Variants in RAP1GAP observed in about 807,000 individuals in gnomAD.
The protein encoded by RAP1GAP is RAP1 GTPase activating protein, also known as rap1 GTPase-activating protein 1.
In RAP1GAP, 35 loss-of-function variants were observed where a neutral mutation model predicts 87.2. The ratio of observed to expected loss-of-function variants is 0.40; its 90% CI spans 0.31 to 0.53. The LOEUF (loss-of-function observed/expected upper bound fraction) is 0.53, where lower values mean the gene tolerates loss of function less well. Among genes scored for constraint, RAP1GAP ranks in the 20% least tolerant of loss-of-function variants. RAP1GAP has a pLI of 0.48. For synonymous variants in RAP1GAP, 375 were observed against 363.9 expected (o/e 1.03, Z -0.35); for missense variants, 734 against 898.9 (o/e 0.82, Z 2.35).
chr1:21,628,749 A>G (rs2093036274), intron 2 of RAP1GAP, among the ~76,000 whole-genome samples: 1 of 152,120 alleles, frequency 6.6e-6, no homozygotes, highest in Admixed American at 6.6e-5. Context: ...TTAGCTGGGC[A>G]CAGTGGTGGG....
chr1:21,608,125 C>T, intron 17 of RAP1GAP, 88 bp downstream of exon 17: 1 of 1,538,596 alleles, frequency 6.5e-7, no homozygotes, highest in Non-Finnish European at 8.8e-7. Flanking sequence ...CACCCCCACG[C>T]CGTGTCCATC....
intron 2 of RAP1GAP, among the ~76,000 whole-genome samples, chr1:21,639,564 T>G (rs2095301654): frequency 1.3e-5 from 2 of 152,240 alleles, no homozygotes; most frequent in Non-Finnish European, 2.9e-5. Context: ...AATTTCTCCC[T>G]GCAGGGCTGC....
rs1253884055 is a variant in RAP1GAP, at chr1:21,617,413, C to T, written c.184G>A (p.Glu62Lys). Residue 62 changes from glutamate to lysine, a missense_variant, in exon 7 of 25, where the codon GAA (glutamate) becomes AAA (lysine). Glu to Lys is a moderately conservative substitution (Grantham distance 56). Around this residue, in one of 2 missense-constraint regions of RAP1GAP, gnomAD observed 485 missense variants for 646.2 expected, o/e 0.75. Transcript: ENST00000374765. ...TCTGTCTCGGGGATGCTGGTGATTTCGTGGTTGGTGCCCTCAATCCAGTAG... is the reference window on the plus strand; with the variant it reads ...TCTGTCTCGGGGATGCTGGTGATTTTGTGGTTGGTGCCCTCAATCCAGTAG... ...GGYWIEGTNHEITSIPETEPL... is the reference protein window; with the variant it reads ...GGYWIEGTNHKITSIPETEPL... 1.9e-5 allele frequency: 30 copies of T among 1,605,214 alleles called. No homozygotes were observed. Among genetic ancestry groups the T allele is most frequent in the Non-Finnish European group, 2.4e-5 (28 of 1,176,292 alleles).
At chr1:21,608,998 T>C in intron 15 of RAP1GAP, 62 bp from the exon 16 acceptor site, 7 of 1,421,638 alleles carry the variant, frequency 4.9e-6, no homozygotes, top group Non-Finnish European at 7.0e-6. Context: ...TAAACAAGGG[T>C]CGGAACCCCA....
Position 21,610,199 on chromosome 1 carries a change from TC to T in RAP1GAP, c.919del (p.Asp307ThrfsTer2). Reference protein sequence around the residue: ...FQDENTPFVPDMIASNFLHAY... With the variant: ...FQDENTPFVPXMIASNFLHAY... ...ATGCAGGAAGTTGGACGCGATCATG[TC>T]GGGCACGAAAGGAGTGTTCTCATCC... is the stretch of plus-strand genomic sequence containing the variant. On this transcript the variant is annotated frameshift_variant, in exon 14 of 25. Transcript: ENST00000374765. LOFTEE classifies it high-confidence loss of function. The T allele has an allele frequency of 6.2e-7, 1 of 1,614,120 alleles. No individual in the cohort carries two copies. Among genetic ancestry groups the T allele is most frequent in the Non-Finnish European group, 8.5e-7 (1 of 1,180,018 alleles).
At chr1:21,629,347 G>A (rs1474429896) in intron 2 of RAP1GAP, among the ~76,000 whole-genome samples, 1 of 152,172 alleles carries the variant, frequency 6.6e-6, no homozygotes, top group Non-Finnish European at 1.5e-5. Context: ...CCATGCAGCA[G>A]TCCCTGACAA....
chr1:21,659,507 T>C (rs1267973393), intron 1 of RAP1GAP, among the ~76,000 whole-genome samples: 2 of 151,024 alleles, frequency 1.3e-5, no homozygotes, highest in East Asian at 3.9e-4. Context: ...GTCTCCCAGC[T>C]CACAAGGGCG....
rs1254552766 is a variant in RAP1GAP, at chr1:21,663,915, A to G, written c.-149+5339T>C. Among the ~76,000 whole-genome samples, 4 of 152,320 alleles carry G rather than the reference A, an allele frequency of 2.6e-5. No individual in the cohort carries two copies. The East Asian group carries it at 7.7e-4, about 29-fold the overall frequency. On this transcript the variant is annotated intron_variant, in intron 1 of 24. Transcript: ENST00000374765. Reference sequence around the variant, plus strand: ...GGAACAGGTACTGTAGTTTCAAGAAATACTGCAATTCCCCCAGAGATACAA... The same window carrying G: ...GGAACAGGTACTGTAGTTTCAAGAAGTACTGCAATTCCCCCAGAGATACAA...
At chr1:21,612,639 C>G (rs2079104843) in intron 10 of RAP1GAP, among the ~76,000 whole-genome samples, 1 of 152,212 alleles carries the variant, frequency 6.6e-6, no homozygotes, top group Non-Finnish European at 1.5e-5. Context: ...CCACCTCACA[C>G]TGCTCCAGAA....
intron 6 of RAP1GAP, 122 bp from the exon 7 acceptor site, chr1:21,617,613 A>T: frequency 1.7e-6 from 2 of 1,179,696 alleles, no homozygotes; most frequent in Non-Finnish European, 2.3e-6. Context: ...GGGACAGGCC[A>T]GAGCCTGTGT....
chr1:21,617,933 C>G lies in RAP1GAP; in HGVS notation c.105+1G>C. The G allele has an allele frequency of 6.2e-7, 1 of 1,614,148 alleles. No homozygotes were observed. The highest frequency in any genetic ancestry group is 8.5e-7 in the Non-Finnish European group (1 of 1,180,012). On this transcript the variant is annotated splice_donor_variant, in intron 6 of 24. Transcript: ENST00000374765. LOFTEE classifies it high-confidence loss of function. Reference sequence around the variant, plus strand: ...GTGGGCGCGGGGTTCTAGCTGAGTACCTCGTGCACGCTCGGGTATGGAATG... The same window carrying G: ...GTGGGCGCGGGGTTCTAGCTGAGTAGCTCGTGCACGCTCGGGTATGGAATG...
Position 21,625,496 on chromosome 1 carries a change from G to A in RAP1GAP, c.-19+808C>T, listed in dbSNP as rs148507126. Reference sequence around the variant, plus strand: ...CCCTCTGGTCAGACAGCTTGCATCCGGTCGTGGCCCCACCACATCCAACCT... The same window carrying A: ...CCCTCTGGTCAGACAGCTTGCATCCAGTCGTGGCCCCACCACATCCAACCT... On this transcript the variant is annotated intron_variant, in intron 3 of 24. Coordinates refer to ENST00000374765, the MANE Select transcript of RAP1GAP (RefSeq NM_002885.4). 4.8e-3 allele frequency among the ~76,000 whole-genome samples: 737 copies of A among 152,262 alleles called. 6 individuals carry two copies. Among genetic ancestry groups the A allele is most frequent in the African/African-American group, 0.017 (713 of 41,550 alleles).
intron 1 of RAP1GAP, among the ~76,000 whole-genome samples, chr1:21,660,141 C>A (rs2097062024): frequency 6.6e-6 from 1 of 151,316 alleles, no homozygotes; most frequent in Admixed American, 6.6e-5. Context: ...CCCATCCTCA[C>A]AAGCTTTAGC....
chr1:21,618,090 C>T, intron 5 of RAP1GAP, 118 bp from the exon 6 acceptor site: 1 of 1,193,368 alleles, frequency 8.4e-7, no homozygotes, highest in Non-Finnish European at 1.2e-6. Context: ...CTGGCCTCAT[C>T]ACCTCTTACA....
At chr1:21,617,600 G>T in intron 6 of RAP1GAP, 109 bp from the exon 7 acceptor site, 1 of 1,279,666 alleles carries the variant, frequency 7.8e-7, no homozygotes, top group Non-Finnish European at 1.1e-6. Context: ...TAAGGGGTAT[G>T]AGGGGACAGG....
chr1:21,644,646 TC>T (rs1571248385), intron 2 of RAP1GAP, among the ~76,000 whole-genome samples: 2 of 152,022 alleles, frequency 1.3e-5, no homozygotes, highest in South Asian at 4.1e-4. Context: ...ACGTCTATAA[TC>T]CCAGCACTTT....
intron 1 of RAP1GAP, chr1:21,665,161 T>C (rs2097298028): frequency 2.2e-6 from 1 of 446,484 alleles, no homozygotes. Context: ...AGTGCTATGA[T>C]TCCCACTTCC....
chr1:21,624,728 G>A (rs2091050851), intron 3 of RAP1GAP, among the ~76,000 whole-genome samples: 1 of 152,216 alleles, frequency 6.6e-6, no homozygotes, highest in Non-Finnish European at 1.5e-5. Context: ...GGCACAAACG[G>A]AGGCTTCTAG....
At position 21,622,194 on chromosome 1, in the gene RAP1GAP, A is replaced by C; in HGVS notation, c.-18-2144T>G. 1 of 312,758 alleles carries C rather than the reference A, an allele frequency of 3.2e-6. No individual in the cohort carries two copies. The allele number at this position is 312,758 out of a possible 1,614,324, so 19.4% of individuals were successfully genotyped here. On this transcript the variant is annotated intron_variant, in intron 3 of 24. Coordinates refer to ENST00000374765, the MANE Select transcript of RAP1GAP (RefSeq NM_002885.4). The surrounding 1 kb of genome is among the most constrained non-coding windows in gnomAD (Gnocchi z 5.7). Reference sequence around the variant, plus strand: ...CAGGGTAGGGGTGCGCCCCGTGGCCAGTGTCAGCCCAGAAGCTCACACGCC... The same window carrying C: ...CAGGGTAGGGGTGCGCCCCGTGGCCCGTGTCAGCCCAGAAGCTCACACGCC...
Sources: allele counts gnomAD v4.1 joint callset (sites outside exome capture counted in the v4.1 genomes callset), GRCh38; gene constraint gnomAD v4.1.1; regional missense constraint gnomAD v4.1.1; non-coding constraint Gnocchi (gnomAD v3.1); transcripts MANE v1.5; gene names NCBI Gene and HGNC (gene_info 2026-07-23, HGNC 2026-07-21).